The following GTF2H5 variants were observed in gnomAD, a reference collection of about 807,000 sequenced individuals.
GTF2H5 encodes the protein general transcription factor IIH subunit 5, also known as TFB5 ortholog.
GTF2H5 carries 5 observed loss-of-function variants against 7.1 expected under a neutral mutation model. The ratio of observed to expected loss-of-function variants is 0.71; its 90% CI spans 0.37 to 1.49. The LOEUF is 1.49. Ranked by LOEUF, GTF2H5 falls within the 40% of genes most tolerant of loss-of-function variation. The probability of loss-of-function intolerance (pLI) is 0.03; values close to 1 mark genes in which losing one functional copy is unlikely to be tolerated. For missense variants in GTF2H5, 80 were observed against 83.0 expected (o/e 0.96, Z 0.14); for synonymous variants, 30 against 31.7 (o/e 0.95, Z 0.18).
chr6:158,174,905 A>G (rs73794537), intron 2 of GTF2H5, among the ~76,000 whole-genome samples: 2,031 of 152,034 alleles, frequency 0.013, 47 homozygotes, highest in African/African-American at 0.046. Context: ...CAGTCTAACC[A>G]TTGTTCTGTT....
At chr6:158,184,655 C>T (rs1776880002) in intron 2 of GTF2H5, among the ~76,000 whole-genome samples, 1 of 152,118 alleles carries the variant, frequency 6.6e-6, no homozygotes, top group Admixed American at 6.5e-5. Context: ...GGGAAATAAA[C>T]CTAAGACAGT....
In GTF2H5 at chr6:158,197,528, G is replaced by A. The variant is rs1355782314; in HGVS notation, c.*5371G>A. Reference sequence around the variant, plus strand: ...AAGTGGCCCAGTCACAGCAAGAGCAGATTGATCAAGAGCAAAGGTCATGGT... The same window carrying A: ...AAGTGGCCCAGTCACAGCAAGAGCAAATTGATCAAGAGCAAAGGTCATGGT... On this transcript the variant is annotated 3_prime_UTR_variant, in exon 3 of 3. Coordinates refer to ENST00000607778, the MANE Select transcript of GTF2H5 (RefSeq NM_207118.3). The A allele has an allele frequency of 3.3e-5, 5 of 152,160 alleles. No homozygotes were observed. Among genetic ancestry groups the A allele is most frequent in the African/African-American group, 1.2e-4 (5 of 41,416 alleles). The allele number at this position is 152,160 out of a possible 1,614,324, so 9.4% of individuals were successfully genotyped here.
chr6:158,171,946 C>T (rs1392427614), intron 2 of GTF2H5, among the ~76,000 whole-genome samples: 2 of 152,152 alleles, frequency 1.3e-5, no homozygotes, highest in East Asian at 1.9e-4. Flanking sequence ...GTTTGATGTA[C>T]TTATTTTCCT....
chr6:158,174,859 C>T (rs1215411514), intron 2 of GTF2H5, among the ~76,000 whole-genome samples: 2 of 152,130 alleles, frequency 1.3e-5, no homozygotes, highest in African/African-American at 2.4e-5. Flanking sequence ...AAAGCTATAT[C>T]GTTTATGAGA....
intron 1 of GTF2H5, among the ~76,000 whole-genome samples, chr6:158,169,522 A>AATATACTGTATATTATATATG (rs1785753121): frequency 2.5e-5 from 2 of 79,278 alleles, no homozygotes; most frequent in African/African-American, 1.0e-4. Flanking sequence ...TATTATATAT[A>AATATACTGTATATTATATATG]ATATACAGTA....
intron 2 of GTF2H5, among the ~76,000 whole-genome samples, chr6:158,182,435 G>A (rs879615711): frequency 6.6e-6 from 1 of 152,102 alleles, no homozygotes; most frequent in Non-Finnish European, 1.5e-5. Flanking sequence ...TTGCTAGGTT[G>A]GGGAAATTCT....
chr6:158,175,042 G>GTATATA (rs1412621563), intron 2 of GTF2H5, among the ~76,000 whole-genome samples: 90 of 117,926 alleles, frequency 7.6e-4, no homozygotes, highest in African/African-American at 1.6e-3. Flanking sequence ...GTGTGTGTGT[G>GTATATA]TGTATACACA....
chr6:158,169,743 T>TA (rs1409565510), intron 1 of GTF2H5, among the ~76,000 whole-genome samples: 2,593 of 63,322 alleles, frequency 0.041, 268 homozygotes, highest in Non-Finnish European at 0.062. Flanking sequence ...GTATATTATA[T>TA]ATTATATAAT....
At chr6:158,185,618 A>G (rs1277041405) in intron 2 of GTF2H5, among the ~76,000 whole-genome samples, 4 of 152,044 alleles carry the variant, frequency 2.6e-5, no homozygotes, top group Non-Finnish European at 2.9e-5. Context: ...TCATTCCTCT[A>G]AGCTGTCTCA....
intron 2 of GTF2H5, among the ~76,000 whole-genome samples, chr6:158,179,243 C>T (rs887448237): frequency 3.3e-5 from 5 of 152,290 alleles, no homozygotes; most frequent in African/African-American, 7.2e-5. Context: ...GTTTTGGTTA[C>T]TGTAGCCTTG....
chr6:158,180,386 A>G (rs1785993999), intron 2 of GTF2H5, among the ~76,000 whole-genome samples: 1 of 152,112 alleles, frequency 6.6e-6, no homozygotes, highest in Non-Finnish European at 1.5e-5. Context: ...GCCGGCCTCA[A>G]AATGAGTTAG....
At chr6:158,186,941 G>A (rs751930896) in intron 2 of GTF2H5, among the ~76,000 whole-genome samples, 21 of 152,288 alleles carry the variant, frequency 1.4e-4, no homozygotes, top group Admixed American at 7.2e-4. Context: ...AAGTCTCCAG[G>A]TAGCAGGCTT....
At chr6:158,169,432 GTATATTA>G (rs1785729732) in intron 1 of GTF2H5, among the ~76,000 whole-genome samples, 4 of 56,890 alleles carry the variant, frequency 7.0e-5, no homozygotes, top group African/African-American at 3.4e-4. Context: ...ATAATATATT[GTATATTA>G]TATATATTAT....
At chr6:158,169,580 T>TATATATTGTATATTAC (rs1785765285) in intron 1 of GTF2H5, among the ~76,000 whole-genome samples, 1 of 47,998 alleles carries the variant, frequency 2.1e-5, no homozygotes, top group Non-Finnish European at 3.4e-5. Flanking sequence ...TTGTATATTA[T>TATATATTGTATATTAC]ATATAATATA....
At chr6:158,185,168 TAA>T (rs1214626914) in intron 2 of GTF2H5, among the ~76,000 whole-genome samples, 2 of 151,804 alleles carry the variant, frequency 1.3e-5, no homozygotes, top group South Asian at 2.1e-4. Flanking sequence ...TTTTAATAAT[TAA>T]AGAGTCTTTT....
intron 2 of GTF2H5, among the ~76,000 whole-genome samples, chr6:158,189,514 T>C (rs1776984674): frequency 1.3e-5 from 2 of 152,178 alleles, no homozygotes; most frequent in Admixed American, 1.3e-4. Context: ...CACATAGTTG[T>C]AGCTAGACCT....
Position 158,170,537 on chromosome 6 carries a change from T to A in GTF2H5, c.34T>A (p.Cys12Ser). ...CGTCTTGAAAGGAGTGCTTATAGAA[T>A]GGTTAGTAGTTTTGATACTGCATGA... Reference protein sequence around the residue: ...VNVLKGVLIECDPAMKQFLLY... With the variant: ...VNVLKGVLIESDPAMKQFLLY... The change falls in exon 2 of 3, where the codon TGT (cysteine) becomes AGT (serine). Residue 12 changes from cysteine to serine, a missense_variant and splice_region_variant. Physicochemically the swap from Cys to Ser is moderately radical, Grantham distance 112 (BLOSUM62 -1). Coordinates refer to ENST00000607778, the MANE Select transcript of GTF2H5 (RefSeq NM_207118.3). 1.2e-6 allele frequency: 2 copies of A among 1,604,218 alleles called. No homozygotes were observed.
At chr6:158,189,136 A>C (rs934634951) in intron 2 of GTF2H5, among the ~76,000 whole-genome samples, 6 of 151,830 alleles carry the variant, frequency 4.0e-5, no homozygotes, top group Admixed American at 1.3e-4. Flanking sequence ...CCACCACCTT[A>C]TCAGGTGGTG....
At chr6:158,179,816 G>A (rs745494982) in intron 2 of GTF2H5, among the ~76,000 whole-genome samples, 4 of 152,088 alleles carry the variant, frequency 2.6e-5, no homozygotes, top group Non-Finnish European at 5.9e-5. Context: ...CTTCCTATCT[G>A]AATACCCTTT....
Sources: allele counts gnomAD v4.1 joint callset (sites outside exome capture counted in the v4.1 genomes callset), GRCh38; gene constraint gnomAD v4.1.1; transcripts MANE v1.5; gene names NCBI Gene and HGNC (gene_info 2026-07-23, HGNC 2026-07-21).